Variants in DCTN4 observed in about 807,000 individuals in gnomAD.
DCTN4 encodes the protein dynactin 4 (p62).
A neutral mutation model predicts 62.7 loss-of-function variants in DCTN4; 23 were observed. The ratio of observed to expected loss-of-function variants is 0.37; its 90% CI spans 0.26 to 0.52. DCTN4 has a LOEUF of 0.52. Ranked by LOEUF, DCTN4 falls within the 20% of genes least tolerant of loss-of-function variation. The pLI is 0.92. For synonymous variants in DCTN4, 199 were observed against 202.1 expected (o/e 0.98, Z 0.13); for missense variants, 514 against 580.4 (o/e 0.89, Z 1.18).
chr5:150,758,591 C>G, intron 1 of DCTN4: 1 of 1,202,116 alleles, frequency 8.3e-7, no homozygotes, highest in South Asian at 2.1e-5. Flanking sequence ...ATTACCAAGC[C>G]CCATCGCAGA....
At chr5:150,739,376 A>C (rs191327992) in intron 4 of DCTN4, among the ~76,000 whole-genome samples, 6 of 152,308 alleles carry the variant, frequency 3.9e-5, no homozygotes, top group Admixed American at 3.3e-4. Flanking sequence ...CTAGCCAAGG[A>C]GGTGAAAGAC....
intron 11 of DCTN4, among the ~76,000 whole-genome samples, chr5:150,717,455 C>A (rs530509719): frequency 6.6e-6 from 1 of 152,208 alleles, no homozygotes; most frequent in Non-Finnish European, 1.5e-5. Context: ...ACCATGTTGG[C>A]CAGGCTGGTC....
At chr5:150,729,862 T>C (rs757189625) in intron 8 of DCTN4, among the ~76,000 whole-genome samples, 4 of 152,084 alleles carry the variant, frequency 2.6e-5, no homozygotes, top group Non-Finnish European at 5.9e-5. Flanking sequence ...TTTTCTTTCC[T>C]TCTTTCCTCT....
intron 2 of DCTN4, among the ~76,000 whole-genome samples, chr5:150,754,436 A>C (rs148451117): frequency 6.6e-4 from 100 of 152,360 alleles, no homozygotes; most frequent in African/African-American, 2.3e-3. Context: ...TATACAAAAC[A>C]GTATCTGGTT....
intron 4 of DCTN4, 58 bp downstream of exon 4, chr5:150,742,056 A>G (rs1760787669): frequency 2.8e-6 from 4 of 1,447,542 alleles, no homozygotes; most frequent in Non-Finnish European, 3.9e-6. Context: ...CAAGATCTTC[A>G]GTCTTTTACT....
At chr5:150,718,182 G>T in intron 11 of DCTN4, 94 bp downstream of exon 11, 2 of 761,174 alleles carry the variant, frequency 2.6e-6, no homozygotes, top group South Asian at 1.9e-5. Context: ...GACTAGATGT[G>T]GAAAGGAGAG....
At chr5:150,713,448 T>C (rs1014119218) in intron 12 of DCTN4, among the ~76,000 whole-genome samples, 2 of 145,692 alleles carry the variant, frequency 1.4e-5, no homozygotes, top group African/African-American at 2.7e-5. Flanking sequence ...TTCTTTTCTT[T>C]TTTTTTTTTT....
rs545514168 is a variant in DCTN4, at chr5:150,749,965, A to C, written c.385+3514T>G. ...TCAATAGCATTATGCTAAATAAAAG[A>C]AGACAGACAGGAAAGACTGTAATGT... On this transcript the variant is annotated intron_variant, in intron 3 of 12. Transcript: ENST00000447998. Among the ~76,000 whole-genome samples the C allele has an allele frequency of 3.3e-5, 5 of 152,338 alleles. No individual in the cohort carries two copies. In the East Asian group the frequency reaches 7.7e-4, roughly 23 times the overall value.
chr5:150,756,780 T>C (rs911868748), intron 1 of DCTN4, among the ~76,000 whole-genome samples: 1 of 152,150 alleles, frequency 6.6e-6, no homozygotes, highest in Admixed American at 6.5e-5. Flanking sequence ...TAGAATTCTA[T>C]GATTAATAAA....
intron 4 of DCTN4, chr5:150,734,403 T>C (rs956194739): frequency 6.6e-6 from 1 of 152,150 alleles, no homozygotes; most frequent in African/African-American, 2.4e-5. Context: ...CCTTACCTAG[T>C]GCTGAAACAA....
rs574729492 is a variant in DCTN4, at chr5:150,726,453, T to G, written c.835-3473A>C. 6.6e-5 allele frequency among the ~76,000 whole-genome samples: 10 copies of G among 152,268 alleles called. No homozygotes were observed. The East Asian group carries it at 1.4e-3, about 21-fold the overall frequency. On this transcript the variant is annotated intron_variant, in intron 8 of 12. Transcript: ENST00000447998. ...TTGTATAAAATAACTTCTCATAAAT[T>G]TCTCATAAATTAAAGCTGCAGTACA...
At chr5:150,736,481 A>G (rs1760586915) in intron 4 of DCTN4, among the ~76,000 whole-genome samples, 1 of 152,210 alleles carries the variant, frequency 6.6e-6, no homozygotes, top group African/African-American at 2.4e-5. Context: ...AACAATTATC[A>G]ACCAAGAATT....
rs1308882695 is a variant in DCTN4 at position 150,748,953 on chromosome 5, G to GA, written c.385+4525dup. ...AAAGTATAATAATAAGAAAAAAAAA[G>GA]AAAAAAAGAAAAGAGCAAGACTTAA... On this transcript the variant is annotated intron_variant, in intron 3 of 12. Transcript: ENST00000447998. Among the ~76,000 whole-genome samples the GA allele has an allele frequency of 2.0e-5, 3 of 151,414 alleles. No individual in the cohort carries two copies. In the East Asian group the frequency reaches 5.8e-4, roughly 29 times the overall value.
At chr5:150,730,092 A>T (rs1270747520) in intron 8 of DCTN4, among the ~76,000 whole-genome samples, 1 of 152,240 alleles carries the variant, frequency 6.6e-6, no homozygotes, top group Non-Finnish European at 1.5e-5. Context: ...CTCAAGAGCC[A>T]CATGTGCCTA....
intron 3 of DCTN4, among the ~76,000 whole-genome samples, chr5:150,746,773 T>C (rs1488503629): frequency 6.6e-6 from 1 of 152,208 alleles, no homozygotes; most frequent in African/African-American, 2.4e-5. Context: ...AAATTCGGTA[T>C]TGATGGGACG....
rs1293369272 is a variant in DCTN4 at position 150,758,942 on chromosome 5, T to C, written c.52A>G (p.Lys18Glu). ...TGCGAGAGCGGGGCCCGAACCTTCT[T>C]TTCTCCCTGGACTAGATAGAGAACC... is the stretch of plus-strand genomic sequence containing the variant. ...DRVLYLVQGE[K>E]KVRAPLSQLY... The change falls in exon 1 of 13, where the codon AAG becomes GAG. Residue 18 changes from lysine (K) to glutamate (E), a missense_variant. Physicochemically the swap from Lys to Glu is moderately conservative, Grantham distance 56. Coordinates refer to ENST00000447998, the MANE Select transcript of DCTN4 (RefSeq NM_016221.4). 2 of 1,613,884 alleles carry C rather than the reference T, an allele frequency of 1.2e-6. No individual in the cohort carries two copies. Among genetic ancestry groups the C allele is most frequent in the South Asian group, 1.1e-5 (1 of 91,072 alleles).
At chr5:150,753,696 T>C in intron 2 of DCTN4, 39 bp from the exon 3 acceptor site, 9 of 1,582,670 alleles carry the variant, frequency 5.7e-6, no homozygotes, top group Non-Finnish European at 7.8e-6. Context: ...TCAACAAATA[T>C]TTATCAAGGA....
At chr5:150,741,320 ATATAT>A (rs1245235477) in intron 4 of DCTN4, among the ~76,000 whole-genome samples, 7 of 152,192 alleles carry the variant, frequency 4.6e-5, no homozygotes, top group African/African-American at 1.7e-4. Context: ...AGAGAAACAA[ATATAT>A]TATATTTTGC....
At chr5:150,747,661 A>G (rs200703426) in intron 3 of DCTN4, among the ~76,000 whole-genome samples, 22,093 of 150,982 alleles carry the variant, frequency 0.15, 2,861 homozygotes, top group African/African-American at 0.35. Flanking sequence ...CTGATCTTTG[A>G]CGAACCTGAG....
Sources: allele counts gnomAD v4.1 joint callset (sites outside exome capture counted in the v4.1 genomes callset), GRCh38; gene constraint gnomAD v4.1.1; transcripts MANE v1.5; gene names NCBI Gene and HGNC (gene_info 2026-07-23, HGNC 2026-07-21).